The following TLN2 variants were observed in gnomAD, a reference collection of about 807,000 sequenced individuals.
The protein encoded by TLN2 is talin-2.
TLN2 carries 118 observed loss-of-function variants against 294.7 expected under a neutral mutation model. The ratio of observed to expected loss-of-function variants is 0.40; its 90% CI spans 0.34 to 0.47. The LOEUF (loss-of-function observed/expected upper bound fraction) is 0.47. TLN2 is among the 20% of genes least tolerant of loss of function. TLN2 has a pLI of 0.84. For missense variants in TLN2, 3,083 were observed against 3,282.2 expected, an observed-to-expected ratio of 0.94 and a Z score of 1.48; for synonymous variants, 1,431 against 1,304.5, an observed-to-expected ratio of 1.10 and a Z score of -2.09.
chr15:62,669,377 A>T (rs1368527714), intron 9 of TLN2, among the ~76,000 whole-genome samples: 1 of 152,136 alleles, frequency 6.6e-6, no homozygotes, highest in Non-Finnish European at 1.5e-5. Flanking sequence ...GTTGGCTGCG[A>T]ACTTTCAACC....
chr15:62,425,950 T>C (rs1268259385), intron 1 of TLN2, among the ~76,000 whole-genome samples: 1 of 152,198 alleles, frequency 6.6e-6, no homozygotes, highest in Non-Finnish European at 1.5e-5. Flanking sequence ...AAACCACCAC[T>C]CTTTTGTTTG....
At chr15:62,475,684 C>G (rs1275824891) in intron 1 of TLN2, among the ~76,000 whole-genome samples, 1 of 151,930 alleles carries the variant, frequency 6.6e-6, no homozygotes, top group Non-Finnish European at 1.5e-5. Flanking sequence ...ATTTTCTTCC[C>G]CTGCTCAAAT....
intron 37 of TLN2, among the ~76,000 whole-genome samples, chr15:62,761,248 A>G (rs2062646149): frequency 6.6e-6 from 1 of 152,244 alleles, no homozygotes; most frequent in South Asian, 2.1e-4. Flanking sequence ...GCTTTAAAAT[A>G]CAATACGGTA....
chr15:62,470,963 C>CAT (rs1226778284), intron 1 of TLN2, among the ~76,000 whole-genome samples: 1 of 152,194 alleles, frequency 6.6e-6, no homozygotes, highest in Non-Finnish European at 1.5e-5. Flanking sequence ...CAATACTTGA[C>CAT]ATATATATGA....
chr15:62,643,405 A>ATTTTTTTTTTTTTTTTTTT (rs571288380), intron 3 of TLN2, among the ~76,000 whole-genome samples: 8 of 90,742 alleles, frequency 8.8e-5, no homozygotes, highest in African/African-American at 2.7e-4. Context: ...TGGTTCCAGG[A>ATTTTTTTTTTTTTTTTTTT]TTTTTTTTTT....
chr15:62,725,212 T>G, intron 27 of TLN2, 108 bp downstream of exon 27: 3 of 1,428,848 alleles, frequency 2.1e-6, no homozygotes, highest in Non-Finnish European at 2.8e-6. Context: ...GAGAAGCTTC[T>G]AATCCTGTGG....
At chr15:62,505,055 C>G (rs1055349338) in intron 1 of TLN2, among the ~76,000 whole-genome samples, 3 of 152,150 alleles carry the variant, frequency 2.0e-5, no homozygotes, top group Non-Finnish European at 4.4e-5. Context: ...TTCCCAGGTT[C>G]AAGCGATTCT....
chr15:62,653,535 C>T (rs546174039), intron 7 of TLN2, among the ~76,000 whole-genome samples: 28 of 152,152 alleles, frequency 1.8e-4, no homozygotes, highest in African/African-American at 6.5e-4. Flanking sequence ...ACCAGCCTGG[C>T]CAATATGGTG....
At chr15:62,487,876 C>G (rs1253381825) in intron 1 of TLN2, among the ~76,000 whole-genome samples, 1 of 151,812 alleles carries the variant, frequency 6.6e-6, no homozygotes, top group East Asian at 1.9e-4. Flanking sequence ...GCACTCCAGC[C>G]TGGGAAACAG....
At chr15:62,604,554 G>T (rs2047266567) in intron 2 of TLN2, among the ~76,000 whole-genome samples, 1 of 149,958 alleles carries the variant, frequency 6.7e-6, no homozygotes, top group Non-Finnish European at 1.5e-5. Flanking sequence ...AAAGAAAAGG[G>T]TGGGGGGCGA....
chr15:62,401,082 G>A (rs896418217), intron 1 of TLN2, among the ~76,000 whole-genome samples: 1 of 152,014 alleles, frequency 6.6e-6, no homozygotes, highest in African/African-American at 2.4e-5. Flanking sequence ...TTCCAAAGGG[G>A]TTTTGTTTCT....
At chr15:62,618,019 G>A (rs982573160) in intron 2 of TLN2, among the ~76,000 whole-genome samples, 29 of 144,660 alleles carry the variant, frequency 2.0e-4, no homozygotes, top group Admixed American at 5.7e-4. Context: ...GGTTGGTCTC[G>A]AACTTCTGGG....
At chr15:62,829,632 T>C (rs1411813026) in intron 54 of TLN2, 3 of 152,192 alleles carry the variant, frequency 2.0e-5, no homozygotes, top group African/African-American at 7.2e-5. Flanking sequence ...TCTCAAGCAT[T>C]TATCCTTTGT....
rs537158644 is a variant in TLN2, at chr15:62,766,458, G to T, written c.5196+36G>T. On this transcript the variant is annotated intron_variant, in intron 41 of 58. Transcript: ENST00000636159. The stretch of plus-strand genomic sequence containing the variant: ...CCGAGGGGATCCTGCGAGGGTGTGC[G>T]TGTTATCACAGGAGAGAGGGTTTTA... 3 of 1,560,964 alleles carry T rather than the reference G, an allele frequency of 1.9e-6. No homozygotes were observed. The South Asian group carries it at 3.4e-5, about 18-fold the overall frequency.
rs1307261921 is a variant in TLN2, at chr15:62,708,587, G to A, written c.2258G>A (p.Cys753Tyr). 6.2e-7 allele frequency: 1 copy of A among 1,614,120 alleles called. No homozygotes were observed. Among genetic ancestry groups the A allele is most frequent in the African/African-American group, 1.3e-5 (1 of 74,944 alleles). The change falls in exon 21 of 59, where the codon TGT (cysteine) becomes TAT (tyrosine). Residue 753 changes from cysteine to tyrosine, a missense_variant. By Grantham distance (194) the Cys-to-Tyr change is radical. Coordinates refer to ENST00000636159, the MANE Select transcript of TLN2 (RefSeq NM_015059.3). Reference sequence around the variant, plus strand: ...CTGGTGGACCGCTCGGTGGAGAACTGTGTCCGTGCCTGCCAGGCGGCCACT... The same window carrying A: ...CTGGTGGACCGCTCGGTGGAGAACTATGTCCGTGCCTGCCAGGCGGCCACT... ...GKLVDRSVEN[C>Y]VRACQAATTD...
chr15:62,435,375 T>C (rs971739508), intron 1 of TLN2, among the ~76,000 whole-genome samples: 1 of 152,222 alleles, frequency 6.6e-6, no homozygotes, highest in Non-Finnish European at 1.5e-5. Context: ...TAATTTACAC[T>C]ACCACCAACA....
rs114707329 is a variant in TLN2 at position 62,658,034 on chromosome 15, G to A, written c.788+136G>A. On this transcript the variant is annotated intron_variant, in intron 9 of 58. Coordinates refer to ENST00000636159, the MANE Select transcript of TLN2 (RefSeq NM_015059.3). ...TGAGAATGCTAGCTTTTCTTCCATC[G>A]AGTAGATGACCAAATTTGCAGATTT... is the stretch of plus-strand genomic sequence containing the variant. 2,640 of 886,528 alleles carry A rather than the reference G, an allele frequency of 3.0e-3. 45 individuals carry two copies. The African/African-American group carries it at 0.04, about 14-fold the overall frequency. 54.9% of individuals were successfully genotyped at this position (886,528 alleles called of 1,614,324 possible). A position where few individuals can be genotyped will look rare whatever the true frequency, so the allele number is the denominator to read the frequency against.
chr15:62,706,626 A>G (rs1371980056), intron 19 of TLN2, among the ~76,000 whole-genome samples: 1 of 152,252 alleles, frequency 6.6e-6, no homozygotes, highest in Non-Finnish European at 1.5e-5. Context: ...TGTGCAAAGT[A>G]GAAATCCAAA....
chr15:62,737,055 G>T lies in TLN2; in HGVS notation c.3536G>T (p.Gly1179Val), dbSNP rs527611972. The T allele has an allele frequency of 6.2e-7, 1 of 1,614,230 alleles. No homozygotes were observed. Among genetic ancestry groups the T allele is most frequent in the South Asian group, 1.1e-5 (1 of 91,084 alleles). ...GCCAAGCAGGCCCTGATTGCACCTG[G>T]AGATGCAGAGCGTCAACAAAGACTG... The part of the protein sequence containing the change: ...QEAKQALIAP[G>V]DAERQQRLAQ... The change falls in exon 29 of 59, where the codon GGA (glycine) becomes GTA (valine). Residue 1179 changes from glycine (G) to valine (V), a missense_variant. Physicochemically the swap from Gly to Val is moderately radical, Grantham distance 109. Coordinates refer to ENST00000636159, the MANE Select transcript of TLN2 (RefSeq NM_015059.3).
Sources: allele counts gnomAD v4.1 joint callset (sites outside exome capture counted in the v4.1 genomes callset), GRCh38; gene constraint gnomAD v4.1.1; transcripts MANE v1.5; gene names NCBI Gene and HGNC (gene_info 2026-07-23, HGNC 2026-07-21).